SATB1: variants seen among roughly 807,000 people sequenced by gnomAD.
SATB1 encodes DNA-binding protein SATB1.
In SATB1, 11 loss-of-function variants were observed where a neutral mutation model predicts 86.9. That is an observed-to-expected ratio of 0.13 (90% CI 0.08 to 0.21). The LOEUF is 0.21. SATB1 is among the 10% of genes least tolerant of loss of function. The pLI, the probability that SATB1 is intolerant of heterozygous loss-of-function variation, is 1.00. For synonymous variants in SATB1, 357 were observed against 357.2 expected, an observed-to-expected ratio of 1.00 and a Z score of 0.01; for missense variants, 551 against 937.6, an observed-to-expected ratio of 0.59 and a Z score of 5.39.
intron 6 of SATB1, among the ~76,000 whole-genome samples, chr3:18,395,276 T>C (rs1452822967): frequency 1.3e-5 from 2 of 152,208 alleles, no homozygotes; most frequent in Non-Finnish European, 2.9e-5. Context: ...AAGAATGTCA[T>C]TTGCTTAATG....
At chr3:18,421,055 C>CCCGCCCA in intron 1 of SATB1, 64 bp from the exon 2 acceptor site, 1 of 1,118,546 alleles carries the variant, frequency 8.9e-7, no homozygotes, top group Non-Finnish European at 1.3e-6. Context: ...TATATGTGTC[C>CCCGCCCA]TATGTAAATG....
chr3:18,347,660 T>C lies in SATB1; in HGVS notation c.*1510A>G, dbSNP rs902993714. ...GATGAATCCATTCTAACAACATAACTGCTAGAGACTGGATTTGTTTTTGTC... is the reference window on the plus strand; with the variant it reads ...GATGAATCCATTCTAACAACATAACCGCTAGAGACTGGATTTGTTTTTGTC... On this transcript the variant is annotated 3_prime_UTR_variant, in exon 11 of 11. Transcript: ENST00000338745. The C allele has an allele frequency of 6.6e-6, 1 of 152,232 alleles. No individual in the cohort carries two copies. Among genetic ancestry groups the C allele is most frequent in the African/African-American group, 2.4e-5 (1 of 41,474 alleles). 9.4% of individuals were successfully genotyped at this position (152,232 alleles called of 1,614,324 possible).
At chr3:18,445,333 C>T (rs1356645448) in intron 1 of SATB1, 1 of 984,642 alleles carries the variant, frequency 1.0e-6, no homozygotes, top group South Asian at 4.5e-5. Context: ...CCCGGGCTCC[C>T]TCCCAGCGCG....
At chr3:18,370,514 G>GAAAAAAAAAAAAAAAA (rs1559407361) in intron 9 of SATB1, among the ~76,000 whole-genome samples, 1 of 13,230 alleles carries the variant, frequency 7.6e-5, no homozygotes, top group Non-Finnish European at 1.5e-4. Flanking sequence ...ACTGAGAGAG[G>GAAAAAAAAAAAAAAAA]CAAAAAAAAA....
At chr3:18,403,612 G>A (rs1392654840) in intron 5 of SATB1, among the ~76,000 whole-genome samples, 1 of 151,862 alleles carries the variant, frequency 6.6e-6, no homozygotes, top group African/African-American at 2.4e-5. Context: ...TAAAATAATT[G>A]TTTTCTGAAA....
chr3:18,408,657 A>T (rs1187256772), intron 5 of SATB1: 1 of 146,952 alleles, frequency 6.8e-6, no homozygotes, highest in Non-Finnish European at 1.5e-5. Context: ...GAGTTCGTGT[A>T]TCTGTTTGTT....
At chr3:18,361,860 CATAT>C (rs1031512577) in intron 9 of SATB1, among the ~76,000 whole-genome samples, 1 of 152,034 alleles carries the variant, frequency 6.6e-6, no homozygotes, top group Non-Finnish European at 1.5e-5. Context: ...TGCATACACA[CATAT>C]ATACATATAG....
Position 18,416,990 on chromosome 3 carries a change from C to T in SATB1, c.300G>A (p.Leu100=), listed in dbSNP as rs61751589. 7,340 of 1,613,678 alleles carry T rather than the reference C, an allele frequency of 4.5e-3. 27 individuals carry two copies. Among genetic ancestry groups the T allele is most frequent in the Non-Finnish European group, 5.6e-3 (6,573 of 1,179,684 alleles). The change falls in exon 3 of 11, where the codon CTG becomes CTA. Residue 100 remains leucine, a synonymous_variant. Coordinates refer to ENST00000338745, the MANE Select transcript of SATB1 (RefSeq NM_002971.6). ...GGTTGAAAAGCATATCCTTTCTCAC[C>T]AGCACAAATTCTGCATGCTCCTCCT... is the stretch of plus-strand genomic sequence containing the variant. ...DCKEEHAEFV[L]VRKDMLFNQL...
chr3:18,358,555 A>G lies in SATB1; in HGVS notation c.1576-6360T>C, dbSNP rs192205945. Among the ~76,000 whole-genome samples the G allele has an allele frequency of 9.5e-4, 145 of 152,168 alleles. 2 individuals are homozygous for G. In the Middle Eastern group the frequency reaches 0.01, roughly 11 times the overall value. On this transcript the variant is annotated intron_variant, in intron 9 of 10. Transcript: ENST00000338745. The stretch of plus-strand genomic sequence containing the variant: ...TGGTCTTATTAAAGAAAACATGGAA[A>G]ATAAATTTGAACAGAGACGTGCCAG...
chr3:18,417,674 G>C (rs1158291063), intron 2 of SATB1: 1 of 698,502 alleles, frequency 1.4e-6, no homozygotes, highest in South Asian at 1.5e-5. Flanking sequence ...AACCAAACTG[G>C]TGCTCATAAT....
In SATB1 at chr3:18,366,156, T is replaced by C. The variant is rs370590184; in HGVS notation, c.1575+12014A>G. Among the ~76,000 whole-genome samples, 9 of 152,288 alleles carry C rather than the reference T, an allele frequency of 5.9e-5. 1 individual carries two copies. In the East Asian group the frequency reaches 1.5e-3, roughly 26 times the overall value. ...GTACCATAAGTAAAATGGGTAAACA[T>C]TTAAACGCGACATTTGGGGATGGAC... On this transcript the variant is annotated intron_variant, in intron 9 of 10. Transcript: ENST00000338745.
rs1697450178 is a variant in SATB1, at chr3:18,404,991, G to A, written c.640-7701C>T. On this transcript the variant is annotated intron_variant, in intron 5 of 10. Coordinates refer to ENST00000338745, the MANE Select transcript of SATB1 (RefSeq NM_002971.6). ...AAATCTGTATGTCTTCTCAAACAGA[G>A]TGACTAAAAAAGATTCAATTGTAAC... is the stretch of plus-strand genomic sequence containing the variant. 2.0e-5 allele frequency among the ~76,000 whole-genome samples: 3 copies of A among 151,918 alleles called. No individual in the cohort carries two copies. The South Asian group carries it at 6.2e-4, about 31-fold the overall frequency.
At chr3:18,393,989 A>AACAACAACAAC (rs893991049) in intron 7 of SATB1, among the ~76,000 whole-genome samples, 1 of 88,152 alleles carries the variant, frequency 1.1e-5, no homozygotes, top group African/African-American at 4.4e-5. Flanking sequence ...TAACAACAAC[A>AACAACAACAAC]AACAACAACA....
At chr3:18,375,960 G>T (rs1244650315) in intron 9 of SATB1, among the ~76,000 whole-genome samples, 1 of 152,192 alleles carries the variant, frequency 6.6e-6, no homozygotes. Flanking sequence ...CTAGTAATGA[G>T]TAATTAGCTA....
intron 7 of SATB1, among the ~76,000 whole-genome samples, chr3:18,393,576 T>C (rs115986425): frequency 1.4e-3 from 209 of 152,282 alleles, no homozygotes; most frequent in African/African-American, 4.8e-3. Context: ...TTCACAGGAA[T>C]TGGGCCAGGA....
At position 18,378,272 on chromosome 3, in the gene SATB1, G is replaced by A; in HGVS notation, c.1473C>T (p.Thr491=). Residue 491 remains threonine, a synonymous_variant, in exon 9 of 11, where the codon ACC becomes ACT. Coordinates refer to ENST00000338745, the MANE Select transcript of SATB1 (RefSeq NM_002971.6). ...TERNGKPENN[T]MNINASIYDE... is the part of the protein sequence containing the mutation. ...CATAAATGGAAGCATTAATGTTCAT[G>A]GTATTGTTCTCTGGTTTCCCATTCC... is the stretch of plus-strand genomic sequence containing the variant. 2 of 1,611,398 alleles carry A rather than the reference G, an allele frequency of 1.2e-6. No individual in the cohort carries two copies. The highest frequency in any genetic ancestry group is 1.7e-6 in the Non-Finnish European group (2 of 1,178,826).
intron 9 of SATB1, among the ~76,000 whole-genome samples, chr3:18,377,348 G>A (rs1695811623): frequency 6.6e-6 from 1 of 152,094 alleles, no homozygotes; most frequent in Non-Finnish European, 1.5e-5. Context: ...TTTTCAAGGG[G>A]GAAAAGAGTT....
chr3:18,404,944 C>G (rs1226414941), intron 5 of SATB1, among the ~76,000 whole-genome samples: 1 of 151,974 alleles, frequency 6.6e-6, no homozygotes, highest in Admixed American at 6.6e-5. Context: ...AACGTCTCCT[C>G]TAACAGATTT....
At chr3:18,402,380 A>G (rs1421390845) in intron 5 of SATB1, among the ~76,000 whole-genome samples, 2 of 152,118 alleles carry the variant, frequency 1.3e-5, no homozygotes, top group Admixed American at 1.3e-4. Flanking sequence ...CAGGTTATTC[A>G]ATCATTTAAA....
Sources: gnomAD v4.1 joint callset for allele counts (sites outside exome capture counted in the v4.1 genomes callset) on GRCh38, gnomAD v4.1.1 for gene constraint, MANE v1.5 for transcripts, NCBI Gene and HGNC (gene_info 2026-07-23, HGNC 2026-07-21) for gene names.